The following MARK4 variants were observed in gnomAD, a reference collection of about 807,000 sequenced individuals.
MARK4 encodes the protein microtubule affinity regulating kinase 4, also known as MAP/microtubule affinity-regulating kinase 4.
Under a neutral mutation model 81.5 loss-of-function variants are expected in MARK4, and 19 were observed. The ratio of observed to expected loss-of-function variants is 0.23; its 90% CI spans 0.16 to 0.34. MARK4 has a LOEUF of 0.34. MARK4 is among the 10% of genes least tolerant of loss of function. The pLI is 1.00. For missense variants in MARK4, 772 were observed against 1,058.8 expected (o/e 0.73, Z 3.76); for synonymous variants, 436 against 439.0 (o/e 0.99, Z 0.08).
At chr19:45,263,068 G>T (rs1970399937) in intron 2 of MARK4, 45 bp from the exon 3 acceptor site, 1 of 1,574,682 alleles carries the variant, frequency 6.4e-7, no homozygotes. Flanking sequence ...ATCCAGTGGG[G>T]CTTGTGGCAC....
Position 45,294,423 on chromosome 19 carries a change from G to A in MARK4, c.1569G>A (p.Pro523=), listed in dbSNP as rs375454769. The stretch of plus-strand genomic sequence containing the variant: ...CAGAACGCCCGGGGGCTGAGCGCCC[G>A]TCACTGTTGCCAAATGGGAAAGAAA... ...VCTERPGAER[P]SLLPNGKENS... Residue 523 remains proline (P), a synonymous_variant, in exon 14 of 17, where the codon CCG becomes CCA. Coordinates refer to ENST00000262891, the MANE Select transcript of MARK4 (RefSeq NM_001199867.2). 1.8e-5 allele frequency: 29 copies of A among 1,614,100 alleles called. No homozygotes were observed. The highest frequency in any genetic ancestry group is 4.5e-5 in the East Asian group (2 of 44,868).
At chr19:45,262,571 C>T (rs1032132980) in intron 2 of MARK4, among the ~76,000 whole-genome samples, 2 of 152,212 alleles carry the variant, frequency 1.3e-5, no homozygotes, top group African/African-American at 4.8e-5. Flanking sequence ...GGGATCCCCT[C>T]AAGGTCTCGT....
chr19:45,278,133 A>G, intron 9 of MARK4, 91 bp downstream of exon 9: 2 of 1,550,490 alleles, frequency 1.3e-6, no homozygotes, highest in Middle Eastern at 3.5e-4. Context: ...CCTTCTTGAC[A>G]CACTTTTCCT....
chr19:45,278,133 AC>A, intron 9 of MARK4, 91 bp downstream of exon 9: 1 of 1,550,490 alleles, frequency 6.4e-7, no homozygotes, highest in Non-Finnish European at 8.7e-7. Context: ...CCTTCTTGAC[AC>A]ACTTTTCCTC....
Position 45,303,015 on chromosome 19 carries a change from T to A in MARK4, c.*305T>A. The A allele has an allele frequency of 2.3e-6, 1 of 436,138 alleles. No individual in the cohort carries two copies. The highest frequency in any genetic ancestry group is 4.1e-6 in the Non-Finnish European group (1 of 243,768). 27.0% of individuals were successfully genotyped at this position (436,138 alleles called of 1,614,324 possible). A position where few individuals can be genotyped will look rare whatever the true frequency, so the allele number is the denominator to read the frequency against. The stretch of plus-strand genomic sequence containing the variant: ...ACAGGGCAGGGGCAGGGAGGGAAAC[T>A]GAGGAAATCTTCCATTCCTCCCAAC... On this transcript the variant is annotated 3_prime_UTR_variant, in exon 17 of 17. Transcript: ENST00000262891.
chr19:45,288,987 T>G (rs757903385), intron 13 of MARK4, among the ~76,000 whole-genome samples: 2 of 152,284 alleles, frequency 1.3e-5, no homozygotes, highest in Admixed American at 1.3e-4. Flanking sequence ...GGCTGTGCCC[T>G]TGGCCTTTCG....
In MARK4 at chr19:45,255,162, C is replaced by T. The variant is rs555171746; in HGVS notation, c.51+3523C>T. Among the ~76,000 whole-genome samples the T allele has an allele frequency of 1.3e-4, 19 of 151,560 alleles. No individual in the cohort carries two copies. The East Asian group carries it at 3.7e-3, about 29-fold the overall frequency. Reference sequence around the variant, plus strand: ...AGGCTCCAGTGAGCCTTGATTACACCACTGCACTTCAGCCTGGGTAACAGA... The same window carrying T: ...AGGCTCCAGTGAGCCTTGATTACACTACTGCACTTCAGCCTGGGTAACAGA... On this transcript the variant is annotated intron_variant, in intron 1 of 16. Transcript: ENST00000262891.
At chr19:45,263,861 G>A (rs1970413502) in intron 4 of MARK4, among the ~76,000 whole-genome samples, 1 of 151,722 alleles carries the variant, frequency 6.6e-6, no homozygotes, top group Non-Finnish European at 1.5e-5. Flanking sequence ...TGGAGTAGGG[G>A]TGATAAGAGG....
rs1599778190 is a variant in MARK4 at position 45,259,020 on chromosome 19, A to G, written c.83A>G (p.Asp28Gly). 6.2e-7 allele frequency: 1 copy of G among 1,613,334 alleles called. No homozygotes were observed. The highest frequency in any genetic ancestry group is 2.2e-5 in the East Asian group (1 of 44,884). Residue 28 changes from aspartate to glycine, a missense_variant, in exon 2 of 17, where the codon GAC (aspartate) becomes GGC (glycine). Asp to Gly is a moderately conservative substitution (Grantham distance 94). Transcript: ENST00000262891. ...HGTLGSGRSS[D>G]KGPSWSSRSL... ...ACCTTGGGCAGTGGCCGCTCCTCGG[A>G]CAAAGGCCCGTCCTGGTCCAGCCGC...
chr19:45,251,568 G>A lies in MARK4; in HGVS notation c.-21G>A, dbSNP rs1568487721. On this transcript the variant is annotated 5_prime_UTR_variant, in exon 1 of 17. Transcript: ENST00000262891. ...CCGCCCCCCCCACCCGGCCGCCCCT[G>A]CCCCCCGGGACCCGGAGAAGATGTC... 5.1e-6 allele frequency: 4 copies of A among 787,714 alleles called. No individual in the cohort carries two copies. The Admixed American group carries it at 3.5e-4, about 69-fold the overall frequency. The allele number at this position is 787,714 out of a possible 1,614,324, so 48.8% of individuals were successfully genotyped here. A position where few individuals can be genotyped will look rare whatever the true frequency, so the allele number is the denominator to read the frequency against.
chr19:45,300,975 A>G (rs978327842), intron 16 of MARK4, among the ~76,000 whole-genome samples: 3 of 152,088 alleles, frequency 2.0e-5, no homozygotes, highest in South Asian at 2.1e-4. Context: ...ATGCTCATGT[A>G]GAGCAGCACT....
Position 45,287,526 on chromosome 19 carries a change from G to A in MARK4, c.1356G>A (p.Leu452=), listed in dbSNP as rs776280805. The change falls in exon 13 of 17, where the codon CTG becomes CTA. Residue 452 remains leucine, a synonymous_variant. Coordinates refer to ENST00000262891, the MANE Select transcript of MARK4 (RefSeq NM_001199867.2). The part of the protein sequence containing the change: ...TGEAELKEER[L]PGRKASCSTA... The stretch of plus-strand genomic sequence containing the variant: ...AGGCGGAGCTGAAGGAGGAGCGGCT[G>A]CCAGGCCGGAAGGCGAGCTGCAGCA... 7.7e-6 allele frequency: 12 copies of A among 1,565,432 alleles called. No homozygotes were observed. The highest frequency in any genetic ancestry group is 6.8e-5 in the African/African-American group (5 of 73,962).
chr19:45,277,823 TTGTGTGTGTG>T (rs58592372), intron 8 of MARK4, 90 bp from the exon 9 acceptor site: 34,524 of 734,958 alleles, frequency 0.047, 614 homozygotes, highest in Middle Eastern at 0.099. Context: ...GGGACAAAGG[TTGTGTGTGTG>T]TGTGTGTGTG....
chr19:45,260,807 G>C (rs1278695914), intron 2 of MARK4, among the ~76,000 whole-genome samples: 1 of 152,198 alleles, frequency 6.6e-6, no homozygotes, highest in Non-Finnish European at 1.5e-5. Flanking sequence ...AAATCTTCCT[G>C]TGATCTGGAG....
intron 10 of MARK4, among the ~76,000 whole-genome samples, chr19:45,279,142 T>C (rs1415451556): frequency 6.6e-6 from 1 of 152,130 alleles, no homozygotes; most frequent in East Asian, 1.9e-4. Context: ...GGAGGATCCC[T>C]TGAGCCCAAC....
intron 14 of MARK4, among the ~76,000 whole-genome samples, chr19:45,296,822 A>C (rs1970893565): frequency 1.3e-5 from 2 of 152,228 alleles, no homozygotes; most frequent in South Asian, 2.1e-4. Flanking sequence ...GGCCAAGGCC[A>C]GTGGATCACC....
At chr19:45,275,487 TA>T (rs36070190) in intron 8 of MARK4, among the ~76,000 whole-genome samples, 36,229 of 144,716 alleles carry the variant, frequency 0.25, 4,597 homozygotes, top group Non-Finnish European at 0.31. Flanking sequence ...CCTGTCTCTT[TA>T]AAAAAAAAAA....
chr19:45,293,473 CTG>C (rs1020945136), intron 13 of MARK4, among the ~76,000 whole-genome samples: 1 of 152,230 alleles, frequency 6.6e-6, no homozygotes, highest in African/African-American at 2.4e-5. Flanking sequence ...TAAAAACACA[CTG>C]TATCAAAACT....
At position 45,251,561 on chromosome 19, in the gene MARK4, C is replaced by G; in HGVS notation, c.-28C>G. 8.5e-7 allele frequency: 1 copy of G among 1,182,348 alleles called. No individual in the cohort carries two copies. Among genetic ancestry groups the G allele is most frequent in the Non-Finnish European group, 1.1e-6 (1 of 902,968 alleles). The allele number at this position is 1,182,348 out of a possible 1,614,324, so 73.2% of individuals were successfully genotyped here. Reference sequence around the variant, plus strand: ...GGGACCCCCGCCCCCCCCACCCGGCCGCCCCTGCCCCCCGGGACCCGGAGA... The same window carrying G: ...GGGACCCCCGCCCCCCCCACCCGGCGGCCCCTGCCCCCCGGGACCCGGAGA... On this transcript the variant is annotated 5_prime_UTR_variant, in exon 1 of 17. Transcript: ENST00000262891.
Sources: allele counts gnomAD v4.1 joint callset (sites outside exome capture counted in the v4.1 genomes callset), GRCh38; gene constraint gnomAD v4.1.1; transcripts MANE v1.5; gene names NCBI Gene and HGNC (gene_info 2026-07-23, HGNC 2026-07-21).